Variants in TACR3 observed in about 807,000 individuals in gnomAD.
The protein encoded by TACR3 is neuromedin-K receptor.
TACR3 carries 34 observed loss-of-function variants against 35.0 expected under a neutral mutation model. That is an observed-to-expected ratio of 0.97 (90% CI 0.74 to 1.30). The LOEUF (loss-of-function observed/expected upper bound fraction) is 1.30, where lower values mean the gene tolerates loss of function less well. TACR3 is among the 50% of genes most tolerant of loss of function. The probability of loss-of-function intolerance (pLI) is 0.00; values close to 1 mark genes in which losing one functional copy is unlikely to be tolerated. For missense variants in TACR3, 558 were observed against 591.7 expected, an observed-to-expected ratio of 0.94 and a Z score of 0.59; for synonymous variants, 233 against 221.1, an observed-to-expected ratio of 1.05 and a Z score of -0.48.
chr4:103,668,808 C>T (rs1725989829), intron 1 of TACR3, among the ~76,000 whole-genome samples: 2 of 149,018 alleles, frequency 1.3e-5, no homozygotes, highest in East Asian at 4.0e-4. Flanking sequence ...GAGATTGTAC[C>T]ACTGCACTCT....
At chr4:103,677,390 T>C (rs552750855) in intron 1 of TACR3, among the ~76,000 whole-genome samples, 2 of 152,220 alleles carry the variant, frequency 1.3e-5, no homozygotes, top group African/African-American at 4.8e-5. Flanking sequence ...ATCATTCTAT[T>C]ATAAGGACAC....
At chr4:103,608,835 C>A (rs960414890) in intron 3 of TACR3, among the ~76,000 whole-genome samples, 1 of 152,006 alleles carries the variant, frequency 6.6e-6, no homozygotes, top group Non-Finnish European at 1.5e-5. Context: ...AAGTAAGTTA[C>A]ATGGTCAGAA....
At chr4:103,671,362 G>T (rs1289754987) in intron 1 of TACR3, among the ~76,000 whole-genome samples, 3 of 151,912 alleles carry the variant, frequency 2.0e-5, no homozygotes, top group Non-Finnish European at 4.4e-5. Flanking sequence ...GAGTAGGATT[G>T]GTGTTAGCTT....
At chr4:103,608,485 C>A (rs1015671502) in intron 3 of TACR3, among the ~76,000 whole-genome samples, 2 of 151,960 alleles carry the variant, frequency 1.3e-5, no homozygotes, top group Non-Finnish European at 1.5e-5. Flanking sequence ...AGAATCCAGA[C>A]CCCAAATCTC....
At chr4:103,653,883 G>A (rs147316649) in intron 3 of TACR3, among the ~76,000 whole-genome samples, 3,580 of 152,138 alleles carry the variant, frequency 0.024, 130 homozygotes, top group African/African-American at 0.072. Context: ...AAAAGTGGGC[G>A]AAGGATATGA....
chr4:103,622,543 A>G (rs1369155984), intron 3 of TACR3, among the ~76,000 whole-genome samples: 2 of 152,136 alleles, frequency 1.3e-5, no homozygotes, highest in African/African-American at 4.8e-5. Flanking sequence ...CATCCTGGCT[A>G]ACACAGTGAA....
rs553386213 is a variant in TACR3 at position 103,694,388 on chromosome 4, G to T, written c.548+24740C>A. ...GTTAGTCAACAACCCAGCCATTGTTGAGACAATGCCAGCCTGAGTTCCAGG... is the reference window on the plus strand; with the variant it reads ...GTTAGTCAACAACCCAGCCATTGTTTAGACAATGCCAGCCTGAGTTCCAGG... On this transcript the variant is annotated intron_variant, in intron 1 of 4. Transcript: ENST00000304883. 1.4e-5 allele frequency among the ~76,000 whole-genome samples: 2 copies of T among 144,360 alleles called. 1 individual carries two copies. The highest frequency in any genetic ancestry group is 5.9e-5 in the African/African-American group (2 of 34,060). 94.7% of individuals were successfully genotyped at this position (144,360 alleles called of 152,430 possible). A position where few individuals can be genotyped will look rare whatever the true frequency, so the allele number is the denominator to read the frequency against.
At chr4:103,632,291 C>T (rs927475501) in intron 3 of TACR3, among the ~76,000 whole-genome samples, 2 of 152,024 alleles carry the variant, frequency 1.3e-5, no homozygotes, top group African/African-American at 4.8e-5. Flanking sequence ...ACCCAAATGC[C>T]CATCAATGAT....
At chr4:103,655,623 C>G (rs1725716864) in intron 3 of TACR3, among the ~76,000 whole-genome samples, 1 of 151,814 alleles carries the variant, frequency 6.6e-6, no homozygotes, top group Non-Finnish European at 1.5e-5. Context: ...TAATGTCACT[C>G]AATAAATTAT....
At chr4:103,642,691 G>T (rs1416455142) in intron 3 of TACR3, among the ~76,000 whole-genome samples, 1 of 151,716 alleles carries the variant, frequency 6.6e-6, no homozygotes, top group Admixed American at 6.6e-5. Flanking sequence ...GGAGAGGTTG[G>T]TTAATGGATA....
At chr4:103,617,536 T>C (rs955916421) in intron 3 of TACR3, among the ~76,000 whole-genome samples, 17 of 152,310 alleles carry the variant, frequency 1.1e-4, no homozygotes, top group Non-Finnish European at 2.2e-4. Flanking sequence ...GCAAAATCTT[T>C]CTATTGTTAA....
At chr4:103,595,342 C>T (rs937908227) in intron 3 of TACR3, among the ~76,000 whole-genome samples, 1 of 151,996 alleles carries the variant, frequency 6.6e-6, no homozygotes, top group Non-Finnish European at 1.5e-5. Flanking sequence ...GGGTAGCCAC[C>T]CATTACCCTT....
At chr4:103,713,525 G>C (rs1392866047) in intron 1 of TACR3, among the ~76,000 whole-genome samples, 2 of 151,246 alleles carry the variant, frequency 1.3e-5, no homozygotes, top group Non-Finnish European at 2.9e-5. Flanking sequence ...TAATGTAAAT[G>C]ACGAGTTAAT....
At position 103,672,325 on chromosome 4, in the gene TACR3, T is replaced by C. The variant is rs112519118; in HGVS notation, c.549-13922A>G. 8.5e-3 allele frequency among the ~76,000 whole-genome samples: 1,302 copies of C among 152,284 alleles called. 15 individuals carry two copies. The highest frequency in any genetic ancestry group is 0.051 in the Middle Eastern group (15 of 294). On this transcript the variant is annotated intron_variant, in intron 1 of 4. Coordinates refer to ENST00000304883, the MANE Select transcript of TACR3 (RefSeq NM_001059.3). The stretch of plus-strand genomic sequence containing the variant: ...CCCAGATCCATCAGAGGAATCACTA[T>C]GGCAGCTATTGCCTTACAAAATAAA...
chr4:103,692,001 C>A (rs1722413535), intron 1 of TACR3, among the ~76,000 whole-genome samples: 1 of 152,170 alleles, frequency 6.6e-6, no homozygotes, highest in South Asian at 2.1e-4. Flanking sequence ...TTTCCCACTT[C>A]ACACCTCTAT....
chr4:103,695,559 C>G (rs1342455784), intron 1 of TACR3, among the ~76,000 whole-genome samples: 2 of 151,966 alleles, frequency 1.3e-5, no homozygotes, highest in Admixed American at 1.3e-4. Flanking sequence ...TATGTGTTGA[C>G]TGTTTATATT....
At chr4:103,673,044 T>G (rs1474014723) in intron 1 of TACR3, among the ~76,000 whole-genome samples, 1 of 152,192 alleles carries the variant, frequency 6.6e-6, no homozygotes, top group Non-Finnish European at 1.5e-5. Context: ...TTTGAGCTTT[T>G]ATAGCATTGA....
intron 3 of TACR3, among the ~76,000 whole-genome samples, chr4:103,597,289 C>A (rs202112061): frequency 6.6e-6 from 1 of 151,968 alleles, no homozygotes; most frequent in African/African-American, 2.4e-5. Flanking sequence ...TTAAAGATTG[C>A]CATTCTAACT....
intron 1 of TACR3, among the ~76,000 whole-genome samples, chr4:103,697,870 C>G (rs1278831073): frequency 6.6e-6 from 1 of 152,148 alleles, no homozygotes; most frequent in Non-Finnish European, 1.5e-5. Flanking sequence ...AACTTTAAAG[C>G]TAGTATCTTT....
Sources: gnomAD v4.1 joint callset for allele counts (sites outside exome capture counted in the v4.1 genomes callset) on GRCh38, gnomAD v4.1.1 for gene constraint, MANE v1.5 for transcripts, NCBI Gene and HGNC (gene_info 2026-07-23, HGNC 2026-07-21) for gene names.